Variants in DYSF observed in about 807,000 individuals in gnomAD.
The protein encoded by DYSF is dystrophy-associated fer-1-like 1.
DYSF carries 212 observed loss-of-function variants against 274.9 expected under a neutral mutation model. The ratio of observed to expected loss-of-function variants is 0.77; its 90% confidence interval spans 0.69 to 0.86. The LOEUF is 0.86. Among genes scored for constraint, DYSF ranks in the 40% least tolerant of loss-of-function variants. The pLI is 0.00. For missense variants in DYSF, 2,666 were observed against 2,783.2 expected (o/e 0.96, Z 0.95); for synonymous variants, 1,091 against 1,078.7 (o/e 1.01, Z -0.22).
chr2:71,570,697 C>T lies in DYSF; in HGVS notation c.3184C>T (p.Arg1062Cys), dbSNP rs539727858. The T allele has an allele frequency of 1.8e-5, 29 of 1,613,988 alleles. No homozygotes were observed. The highest frequency in any genetic ancestry group is 1.1e-4 in the African/African-American group (8 of 75,032). Residue 1062 changes from arginine (R) to cysteine (C), a missense_variant, in exon 29 of 56, where the codon CGC becomes TGC. By Grantham distance (180) the Arg-to-Cys change is radical (BLOSUM62 -3). This residue lies in a region of DYSF where 1,460 missense variants were observed against 1,502.1 expected (regional missense o/e 0.97). Coordinates refer to ENST00000410020, the MANE Select transcript of DYSF (RefSeq NM_001130987.2). ...YYTHRRRRWV[R>C]LRRRDLSQME... ...CACACACCGACGGCGGCGCTGGGTGCGCCTGCGCAGGAGGGATCTCAGCCA... is the reference window on the plus strand; with the variant it reads ...CACACACCGACGGCGGCGCTGGGTGTGCCTGCGCAGGAGGGATCTCAGCCA...
rs1553548257 is a variant in DYSF at position 71,560,421 on chromosome 2, C to CAG, written c.2217-1331_2217-1330insAG. ...TCAGGCCTGGTTCCCAGGCAGGCCCCCGCCCCGCTACCCACCGAGCATGCC... is the reference window on the plus strand; with the variant it reads ...TCAGGCCTGGTTCCCAGGCAGGCCCCAGCGCCCCGCTACCCACCGAGCATGCC... On this transcript the variant is annotated intron_variant, in intron 22 of 55. Transcript: ENST00000410020. Among the ~76,000 whole-genome samples, 25 of 151,618 alleles carry CAG rather than the reference C, an allele frequency of 1.6e-4. 1 individual carries two copies. Among genetic ancestry groups the CAG allele is most frequent in the Admixed American group, 3.3e-4 (5 of 15,264 alleles).
At chr2:71,459,567 C>T (rs192619972) in intron 1 of DYSF, among the ~76,000 whole-genome samples, 28 of 152,278 alleles carry the variant, frequency 1.8e-4, no homozygotes, top group Middle Eastern at 3.4e-3. Flanking sequence ...GTGCCACATT[C>T]TCTGATTTTT....
intron 3 of DYSF, among the ~76,000 whole-genome samples, chr2:71,491,486 T>A (rs11903652): frequency 0.15 from 23,319 of 152,072 alleles, 3,489 homozygotes; most frequent in African/African-American, 0.39. Flanking sequence ...GTCATGGGAG[T>A]TTGTTGTACA....
At chr2:71,622,364 T>A (rs2094127254) in intron 41 of DYSF, among the ~76,000 whole-genome samples, 3 of 152,344 alleles carry the variant, frequency 2.0e-5, no homozygotes, top group Middle Eastern at 3.4e-3. Context: ...TAATTGATTC[T>A]GTTTGGTTTT....
chr2:71,575,792 C>T (rs2092681050), intron 30 of DYSF, among the ~76,000 whole-genome samples: 3 of 152,100 alleles, frequency 2.0e-5, no homozygotes, highest in African/African-American at 7.2e-5. Context: ...GGTTTGTGGG[C>T]TCACAGAGCT....
chr2:71,538,719 G>C (rs1334926483), intron 16 of DYSF, among the ~76,000 whole-genome samples: 1 of 152,176 alleles, frequency 6.6e-6, no homozygotes, highest in Admixed American at 6.5e-5. Context: ...GTTTCTTCCT[G>C]GTCACCTAGT....
chr2:71,654,574 G>T (rs776884442), intron 42 of DYSF, among the ~76,000 whole-genome samples: 1 of 152,100 alleles, frequency 6.6e-6, no homozygotes, highest in East Asian at 1.9e-4. Context: ...CTTGAGGCCA[G>T]GAGTTGGAGA....
chr2:71,555,914 C>A, intron 21 of DYSF, 51 bp from the exon 22 acceptor site: 1 of 1,427,386 alleles, frequency 7.0e-7, no homozygotes, highest in Non-Finnish European at 9.7e-7. Flanking sequence ...GTCCAGCATG[C>A]ACCCTCTGCC....
rs773859302 is a variant in DYSF, at chr2:71,553,134, A to G, written c.1930A>G (p.Met644Val). 19 of 1,614,078 alleles carry G rather than the reference A, an allele frequency of 1.2e-5. No individual in the cohort carries two copies. Among genetic ancestry groups the G allele is most frequent in the Non-Finnish European group, 1.5e-5 (18 of 1,180,026 alleles). The change falls in exon 20 of 56, where the codon ATG (methionine) becomes GTG (valine). Residue 644 changes from methionine (M) to valine (V), a missense_variant. Around this residue, in one of 3 missense-constraint regions of DYSF, gnomAD observed 412 missense variants for 504.0 expected, o/e 0.82. Coordinates refer to ENST00000410020, the MANE Select transcript of DYSF (RefSeq NM_001130987.2). Reference protein sequence around the residue: ...SIGNYGNKFDMTCLPLASTTQ... With the variant: ...SIGNYGNKFDVTCLPLASTTQ... ...CGGGAACTACGGGAACAAGTTCGAC[A>G]TGACCTGCCTGCCGCTGGCCTCCAC... is the stretch of plus-strand genomic sequence containing the variant.
At chr2:71,600,140 A>C (rs1178974880) in intron 33 of DYSF, among the ~76,000 whole-genome samples, 4 of 152,218 alleles carry the variant, frequency 2.6e-5, no homozygotes, top group African/African-American at 7.2e-5. Context: ...TTGCCCCTGC[A>C]TCCAGTGTGA....
chr2:71,664,565 T>C, intron 46 of DYSF, 127 bp downstream of exon 46: 31 of 1,133,008 alleles, frequency 2.7e-5, no homozygotes, highest in Non-Finnish European at 3.6e-5. Flanking sequence ...AGGCATTCTC[T>C]CATTGAGTCC....
Position 71,480,900 on chromosome 2 carries a change from A to G in DYSF, c.109A>G (p.Lys37Glu), listed in dbSNP as rs2082828360. The G allele has an allele frequency of 6.2e-7, 1 of 1,614,152 alleles. No individual in the cohort carries two copies. The highest frequency in any genetic ancestry group is 8.5e-7 in the Non-Finnish European group (1 of 1,179,982). ...TCTTGTAGGGGTGAAGAAGAGAACC[A>G]AAGTCATCAAGAACAGCGTGAACCC... ...LTFRGVKKRTKVIKNSVNPVW... is the reference protein window; with the variant it reads ...LTFRGVKKRTEVIKNSVNPVW... The change falls in exon 2 of 56, where the codon AAA becomes GAA. Residue 37 changes from lysine (K) to glutamate (E), a missense_variant. This residue lies in a region of DYSF where 794 missense variants were observed against 777.1 expected (regional missense o/e 1.02). Transcript: ENST00000410020.
At chr2:71,461,507 C>G (rs985585816) in intron 1 of DYSF, among the ~76,000 whole-genome samples, 1 of 152,234 alleles carries the variant, frequency 6.6e-6, no homozygotes, top group Non-Finnish European at 1.5e-5. Context: ...TGGCCTTGCC[C>G]TTTGGCCCGA....
At chr2:71,671,452 C>T (rs892798618) in intron 51 of DYSF, among the ~76,000 whole-genome samples, 1 of 152,210 alleles carries the variant, frequency 6.6e-6, no homozygotes, top group Admixed American at 6.5e-5. Context: ...GGGAGGGCTG[C>T]GCCCCCCGTG....
intron 4 of DYSF, among the ~76,000 whole-genome samples, chr2:71,508,782 T>C (rs2152724842): frequency 6.6e-6 from 1 of 152,358 alleles, no homozygotes; most frequent in African/African-American, 2.4e-5. Flanking sequence ...TGTCAGAATT[T>C]TGTGACTTTG....
intron 41 of DYSF, among the ~76,000 whole-genome samples, chr2:71,626,746 G>T (rs1444766831): frequency 6.6e-6 from 1 of 151,892 alleles, no homozygotes; most frequent in African/African-American, 2.4e-5. Context: ...TAAGCCGTAA[G>T]ATTGGCATTA....
rs763604611 is a variant in DYSF, at chr2:71,520,182, A to G, written c.1007A>G (p.Asp336Gly). ...GTCTCCTCTCATTGATTGCAGATGG[A>G]CGTGGGCACCATTTACAGAGAGCCC... is the stretch of plus-strand genomic sequence containing the variant. ...TDALLGEFRM[D>G]VGTIYREPRH... is the part of the protein sequence containing the mutation. Residue 336 changes from aspartate to glycine, a missense_variant, in exon 11 of 56, where the codon GAC becomes GGC. By Grantham distance (94) the Asp-to-Gly change is moderately conservative. This residue lies in a region of DYSF where 794 missense variants were observed against 777.1 expected (regional missense o/e 1.02). Coordinates refer to ENST00000410020, the MANE Select transcript of DYSF (RefSeq NM_001130987.2). 3.2e-5 allele frequency: 52 copies of G among 1,614,064 alleles called. 1 individual carries two copies. The highest frequency in any genetic ancestry group is 3.3e-4 in the Middle Eastern group (2 of 6,084).
chr2:71,593,649 G>A (rs2093333524), intron 32 of DYSF, among the ~76,000 whole-genome samples: 1 of 152,200 alleles, frequency 6.6e-6, no homozygotes, highest in African/African-American at 2.4e-5. Context: ...ACTCTTCATT[G>A]TAGATTGGTG....
At chr2:71,614,178 G>A (rs148622064) in intron 40 of DYSF, among the ~76,000 whole-genome samples, 22 of 152,308 alleles carry the variant, frequency 1.4e-4, no homozygotes, top group Non-Finnish European at 2.6e-4. Flanking sequence ...AGTAGACATG[G>A]AGAAAGGTCT....
Sources: gnomAD v4.1 joint callset for allele counts (sites outside exome capture counted in the v4.1 genomes callset) on GRCh38, gnomAD v4.1.1 for gene constraint, gnomAD v4.1.1 regional missense constraint, MANE v1.5 for transcripts, NCBI Gene and HGNC (gene_info 2026-07-23, HGNC 2026-07-21) for gene names.